Variants in PPM1H observed in about 807,000 individuals in gnomAD.
The protein encoded by PPM1H is protein phosphatase 1H.
A neutral mutation model predicts 54.9 loss-of-function variants in PPM1H; 27 were observed. That is an observed-to-expected ratio of 0.49 (90% CI 0.36 to 0.68). The LOEUF (loss-of-function observed/expected upper bound fraction) is 0.68. PPM1H is among the 30% of genes least tolerant of loss of function. The pLI, the probability that PPM1H is intolerant of heterozygous loss-of-function variation, is 0.00. For synonymous variants in PPM1H, 305 were observed against 270.8 expected (o/e 1.13, Z -1.24); for missense variants, 596 against 667.8 (o/e 0.89, Z 1.19).
chr12:62,647,908 G>GAAAAAAA lies in PPM1H; in HGVS notation c.*574_*580dup, dbSNP rs71086621. Reference sequence around the variant, plus strand: ...CAGATTCAAGGAATGTCAAAAACACGAAAAAAAAAAAAAAAAATCCCTGCC... The same window carrying GAAAAAAA: ...CAGATTCAAGGAATGTCAAAAACACGAAAAAAAAAAAAAAAAAAAAAAAATCCCTGCC... On this transcript the variant is annotated 3_prime_UTR_variant, in exon 10 of 10. Transcript: ENST00000228705. 9.3e-5 allele frequency: 10 copies of GAAAAAAA among 108,028 alleles called. No individual in the cohort carries two copies. The highest frequency in any genetic ancestry group is 3.2e-4 in the African/African-American group (9 of 28,292). 6.7% of individuals were successfully genotyped at this position (108,028 alleles called of 1,614,324 possible).
Position 62,864,658 on chromosome 12 carries a change from C to T in PPM1H, c.246-32379G>A, listed in dbSNP as rs75355076. ...TCCAAACCTCTCTTTAACCCTTAAC[C>T]ACTTTATCTTCCCACTGAGAACTTC... On this transcript the variant is annotated intron_variant, in intron 1 of 9. Transcript: ENST00000228705. Among the ~76,000 whole-genome samples, 1,046 of 152,198 alleles carry T rather than the reference C, an allele frequency of 6.9e-3. 13 individuals are homozygous for T. Among genetic ancestry groups the T allele is most frequent in the African/African-American group, 0.024 (1,002 of 41,536 alleles).
intron 1 of PPM1H, among the ~76,000 whole-genome samples, chr12:62,859,547 C>G (rs1466777365): frequency 1.3e-5 from 2 of 152,184 alleles, no homozygotes; most frequent in East Asian, 3.8e-4. Flanking sequence ...AATCTAAGCT[C>G]TGAATAGTGA....
chr12:62,790,360 G>A (rs1409817354), intron 3 of PPM1H, among the ~76,000 whole-genome samples: 1 of 152,184 alleles, frequency 6.6e-6, no homozygotes, highest in Non-Finnish European at 1.5e-5. Context: ...GAGGTCACTT[G>A]AGGCTAGGAG....
chr12:62,648,534 A>T lies in PPM1H; in HGVS notation c.1500T>A (p.Ile500=). 6.2e-7 allele frequency: 1 copy of T among 1,613,990 alleles called. No homozygotes were observed. Among genetic ancestry groups the T allele is most frequent in the Non-Finnish European group, 8.5e-7 (1 of 1,179,892 alleles). ...SNDRLGSGDD[I]SVYVIPLIHG... ...GTATTAAAGGAATGACATATACAGA[A>T]ATGTCGTCTCCTGAGCCCAGTCGGT... is the stretch of plus-strand genomic sequence containing the variant. The change falls in exon 10 of 10, where the codon ATT becomes ATA. Residue 500 remains isoleucine, a synonymous_variant. Transcript: ENST00000228705.
chr12:62,893,164 G>A (rs966069840), intron 1 of PPM1H, among the ~76,000 whole-genome samples: 8 of 152,144 alleles, frequency 5.3e-5, no homozygotes, highest in South Asian at 2.1e-4. Flanking sequence ...GACAGAGATC[G>A]TATGGGCCCC....
At chr12:62,726,405 A>G (rs2076289552) in intron 5 of PPM1H, among the ~76,000 whole-genome samples, 2 of 152,168 alleles carry the variant, frequency 1.3e-5, no homozygotes, top group African/African-American at 4.8e-5. Context: ...TTTTTAATGT[A>G]TCCATAATTG....
At chr12:62,910,688 G>C (rs933668473) in intron 1 of PPM1H, among the ~76,000 whole-genome samples, 1 of 152,134 alleles carries the variant, frequency 6.6e-6, no homozygotes, top group Non-Finnish European at 1.5e-5. Flanking sequence ...CTTAGCAGTT[G>C]CTTAGCGATA....
At chr12:62,854,969 T>G (rs1002653166) in intron 1 of PPM1H, among the ~76,000 whole-genome samples, 2 of 152,142 alleles carry the variant, frequency 1.3e-5, no homozygotes, top group African/African-American at 4.8e-5. Flanking sequence ...AGTATAAGCT[T>G]CAGGGATTAG....
chr12:62,749,090 A>C lies in PPM1H; in HGVS notation c.870-11504T>G, dbSNP rs1211321635. Among the ~76,000 whole-genome samples, 9 of 152,338 alleles carry C rather than the reference A, an allele frequency of 5.9e-5. No homozygotes were observed. The East Asian group carries it at 1.7e-3, about 29-fold the overall frequency. ...AACACAGAAGCACCAGGATGGGAGAAGCCACCCTTACTACTTCTCTTAAAA... is the reference window on the plus strand; with the variant it reads ...AACACAGAAGCACCAGGATGGGAGACGCCACCCTTACTACTTCTCTTAAAA... On this transcript the variant is annotated intron_variant, in intron 4 of 9. Coordinates refer to ENST00000228705, the MANE Select transcript of PPM1H (RefSeq NM_020700.2).
intron 6 of PPM1H, among the ~76,000 whole-genome samples, chr12:62,714,642 G>A (rs1281816378): frequency 6.6e-6 from 1 of 152,178 alleles, no homozygotes; most frequent in East Asian, 1.9e-4. Context: ...ATCTGCCCAA[G>A]GCCCCAGAAG....
chr12:62,884,515 A>AAAAAAAAAAG (rs1555203634), intron 1 of PPM1H, among the ~76,000 whole-genome samples: 1 of 146,326 alleles, frequency 6.8e-6, no homozygotes, highest in African/African-American at 2.7e-5. Context: ...AAAAAAAAAA[A>AAAAAAAAAAG]AAAGAAAGAA....
At chr12:62,712,060 C>T (rs1385559714) in intron 6 of PPM1H, among the ~76,000 whole-genome samples, 1 of 152,242 alleles carries the variant, frequency 6.6e-6, no homozygotes, top group Non-Finnish European at 1.5e-5. Context: ...AGAACATGCA[C>T]ATAGCAAATA....
At chr12:62,932,099 T>TA (rs904292101) in intron 1 of PPM1H, among the ~76,000 whole-genome samples, 24 of 149,216 alleles carry the variant, frequency 1.6e-4, no homozygotes, top group African/African-American at 5.2e-4. Context: ...TTTTTTTTTT[T>TA]AAATAGGTCT....
intron 1 of PPM1H, among the ~76,000 whole-genome samples, chr12:62,862,678 G>A (rs1377062300): frequency 6.6e-6 from 1 of 152,170 alleles, no homozygotes; most frequent in Non-Finnish European, 1.5e-5. Flanking sequence ...CCTAGAAGTA[G>A]CAAAGAGAGG....
Position 62,756,087 on chromosome 12 carries a change from A to G in PPM1H, c.870-18501T>C, listed in dbSNP as rs1346414336. On this transcript the variant is annotated intron_variant, in intron 4 of 9. Transcript: ENST00000228705. ...CCAGGTTGTCTCCTCTGATTTTAAC[A>G]GCGACATCCACTCTTCAACCTTTGA... is the stretch of plus-strand genomic sequence containing the variant. 17 of 1,010,450 alleles carry G rather than the reference A, an allele frequency of 1.7e-5. No homozygotes were observed. In the Admixed American group the frequency reaches 2.9e-4, roughly 17 times the overall value. The allele number at this position is 1,010,450 out of a possible 1,614,324, so 62.6% of individuals were successfully genotyped here.
chr12:62,716,598 C>T (rs887986044), intron 6 of PPM1H, among the ~76,000 whole-genome samples: 4 of 152,186 alleles, frequency 2.6e-5, no homozygotes, highest in African/African-American at 9.7e-5. Context: ...ATAACCATGG[C>T]TTGCTGCAGT....
chr12:62,897,409 G>A (rs185676493), intron 1 of PPM1H, among the ~76,000 whole-genome samples: 35 of 152,138 alleles, frequency 2.3e-4, no homozygotes, highest in African/African-American at 6.3e-4. Flanking sequence ...TTTTATTTTC[G>A]TGGAAGAATA....
intron 6 of PPM1H, among the ~76,000 whole-genome samples, chr12:62,694,903 G>A (rs868185391): frequency 6.6e-6 from 1 of 152,104 alleles, no homozygotes. Context: ...GTGGCATACC[G>A]GTTCCCCTTT....
In PPM1H at chr12:62,821,455, C is replaced by G. The variant is rs558174454; in HGVS notation, c.411+10659G>C. Among the ~76,000 whole-genome samples the G allele has an allele frequency of 3.3e-5, 5 of 152,198 alleles. No individual in the cohort carries two copies. The South Asian group carries it at 8.3e-4, about 25-fold the overall frequency. On this transcript the variant is annotated intron_variant, in intron 2 of 9. Transcript: ENST00000228705. ...AGATACTCCTCAAGAAGAGCAACCC[C>G]AAGACACATTAATTGTCAGATTCAC...
Sources: allele counts gnomAD v4.1 joint callset (sites outside exome capture counted in the v4.1 genomes callset), GRCh38; gene constraint gnomAD v4.1.1; transcripts MANE v1.5; gene names NCBI Gene and HGNC (gene_info 2026-07-23, HGNC 2026-07-21).